TENM4: variants seen among roughly 807,000 people sequenced by gnomAD.
TENM4 encodes the protein teneurin transmembrane protein 4.
In TENM4, 82 loss-of-function variants were observed where a neutral mutation model predicts 243.3. The observed-to-expected ratio is 0.34, with a 90% confidence interval of 0.28 to 0.40. The LOEUF (loss-of-function observed/expected upper bound fraction) is 0.40, where lower values mean the gene tolerates loss of function less well. Among genes scored for constraint, TENM4 ranks in the 10% least tolerant of loss-of-function variants. The pLI, the probability that TENM4 is intolerant of heterozygous loss-of-function variation, is 1.00. For synonymous variants in TENM4, 1,412 were observed against 1,456.3 expected (o/e 0.97, Z 0.69); for missense variants, 3,138 against 3,673.3 (o/e 0.85, Z 3.77).
At chr11:79,020,501 C>A (rs985176262) in intron 6 of TENM4, among the ~76,000 whole-genome samples, 1 of 152,164 alleles carries the variant, frequency 6.6e-6, no homozygotes, top group Non-Finnish European at 1.5e-5. Flanking sequence ...TATGACCCAA[C>A]AAACTGATTA....
intron 3 of TENM4, among the ~76,000 whole-genome samples, chr11:79,175,366 A>C (rs1043628144): frequency 6.6e-6 from 1 of 152,216 alleles, no homozygotes; most frequent in African/African-American, 2.4e-5. Context: ...TTAATATGTC[A>C]ATGCCAACTG....
At chr11:78,755,088 A>C (rs1856276060) in intron 19 of TENM4, among the ~76,000 whole-genome samples, 1 of 152,214 alleles carries the variant, frequency 6.6e-6, no homozygotes, top group African/African-American at 2.4e-5. Flanking sequence ...GGATGACAGC[A>C]GCTGCCTCAC....
intron 1 of TENM4, among the ~76,000 whole-genome samples, chr11:79,426,118 T>C (rs1255712423): frequency 6.6e-6 from 1 of 152,182 alleles, no homozygotes; most frequent in African/African-American, 2.4e-5. Context: ...CCAAAATTAA[T>C]TCTTGAAACA....
At chr11:78,735,033 C>T (rs1016663670) in intron 20 of TENM4, among the ~76,000 whole-genome samples, 1 of 152,166 alleles carries the variant, frequency 6.6e-6, no homozygotes, top group Non-Finnish European at 1.5e-5. Context: ...TGGGAATGGG[C>T]CCATTGCTGC....
intron 2 of TENM4, among the ~76,000 whole-genome samples, chr11:79,252,440 T>C (rs1383963011): frequency 1.3e-5 from 2 of 152,180 alleles, no homozygotes; most frequent in Admixed American, 1.3e-4. Context: ...GGTTTCACTA[T>C]GTTGATCAGG....
intron 4 of TENM4, among the ~76,000 whole-genome samples, chr11:79,116,890 G>T (rs944903306): frequency 6.6e-5 from 10 of 152,146 alleles, no homozygotes; most frequent in African/African-American, 2.4e-4. Context: ...TGGGGGGAAA[G>T]GTGTATAACA....
At chr11:79,204,223 T>C (rs1863803072) in intron 3 of TENM4, among the ~76,000 whole-genome samples, 1 of 152,124 alleles carries the variant, frequency 6.6e-6, no homozygotes, top group South Asian at 2.1e-4. Context: ...ACTCTGCAAA[T>C]AGTAAAAAGC....
At chr11:79,206,625 A>G (rs1171225782) in intron 3 of TENM4, among the ~76,000 whole-genome samples, 1 of 152,156 alleles carries the variant, frequency 6.6e-6, no homozygotes, top group Admixed American at 6.5e-5. Context: ...GGTCTTTCCC[A>G]TGCTATTCTC....
At chr11:79,315,546 G>A (rs1010893648) in intron 1 of TENM4, among the ~76,000 whole-genome samples, 1 of 152,218 alleles carries the variant, frequency 6.6e-6, no homozygotes, top group Non-Finnish European at 1.5e-5. Flanking sequence ...CAATCCTTGT[G>A]CTGGAGAACA....
intron 3 of TENM4, among the ~76,000 whole-genome samples, chr11:79,149,393 TTCTC>T (rs1428564952): frequency 6.6e-6 from 1 of 152,192 alleles, no homozygotes; most frequent in African/African-American, 2.4e-5. Context: ...GGTGATAAAT[TTCTC>T]TCTAAGTGCT....
At position 78,672,152 on chromosome 11, in the gene TENM4, A is replaced by G. The variant is rs1858346827; in HGVS notation, c.5674T>C (p.Tyr1892His). The change falls in exon 31 of 34, where the codon TAC becomes CAC. Residue 1892 changes from tyrosine (Y) to histidine (H), a missense_variant. This residue lies in a region of TENM4 where 2,467 missense variants were observed against 3,059.1 expected (regional missense o/e 0.81). Transcript: ENST00000278550. ...GVNVTYSPGG[Y>H]IAGIQRGIMS... ...ATGCCCCTCTGGATGCCAGCAATGT[A>G]ACCCCCAGGGGAGTATGTCACGTTG... 1 of 1,613,646 alleles carries G rather than the reference A, an allele frequency of 6.2e-7. No homozygotes were observed. Among genetic ancestry groups the G allele is most frequent in the Non-Finnish European group, 8.5e-7 (1 of 1,179,820 alleles).
chr11:78,939,962 AG>A (rs1856854610), intron 6 of TENM4, among the ~76,000 whole-genome samples: 1 of 152,158 alleles, frequency 6.6e-6, no homozygotes, highest in African/African-American at 2.4e-5. Context: ...TAGACTCTAA[AG>A]TAACATGTTT....
At chr11:79,106,889 G>C (rs1002429351) in intron 4 of TENM4, among the ~76,000 whole-genome samples, 2 of 152,176 alleles carry the variant, frequency 1.3e-5, no homozygotes, top group African/African-American at 4.8e-5. Flanking sequence ...TGAATATTTT[G>C]ATGGGTTAGT....
chr11:79,132,204 G>A (rs913220837), intron 4 of TENM4, among the ~76,000 whole-genome samples: 10 of 151,724 alleles, frequency 6.6e-5, no homozygotes, highest in African/African-American at 2.4e-4. Context: ...AAATGAGCCG[G>A]GCGCGGTGGT....
Position 78,702,333 on chromosome 11 carries a change from T to C in TENM4, c.4280A>G (p.Asn1427Ser). 1 of 1,614,012 alleles carries C rather than the reference T, an allele frequency of 6.2e-7. No homozygotes were observed. Among genetic ancestry groups the C allele is most frequent in the Middle Eastern group, 1.6e-4 (1 of 6,062 alleles). ...MDNSLYVLDN[N>S]VVLQISENHQ... ...GTTTTCAGAGATTTGCAGGACCACA[T>C]TGTTGTCGAGGACATAAAGTGAGTT... Residue 1427 changes from asparagine to serine, a missense_variant, in exon 28 of 34, where the codon AAT becomes AGT. Around this residue, in one of 2 missense-constraint regions of TENM4, gnomAD observed 2,467 missense variants for 3,059.1 expected, o/e 0.81. Transcript: ENST00000278550.
intron 5 of TENM4, among the ~76,000 whole-genome samples, chr11:79,067,197 C>A (rs551069608): frequency 6.6e-6 from 1 of 152,324 alleles, no homozygotes; most frequent in South Asian, 2.1e-4. Context: ...AGAGGCTGGG[C>A]CAACCAGATG....
At chr11:78,748,600 T>C (rs1376119248) in intron 19 of TENM4, among the ~76,000 whole-genome samples, 2 of 152,210 alleles carry the variant, frequency 1.3e-5, no homozygotes, top group Non-Finnish European at 2.9e-5. Flanking sequence ...ACATGGGCTC[T>C]AGAGCCAACT....
At chr11:79,334,339 A>G (rs557101751) in intron 1 of TENM4, among the ~76,000 whole-genome samples, 3 of 152,306 alleles carry the variant, frequency 2.0e-5, no homozygotes, top group Admixed American at 6.5e-5. Flanking sequence ...GCCCTGACCT[A>G]GGCCAGGTGC....
At chr11:79,389,357 A>T (rs1858182900) in intron 1 of TENM4, among the ~76,000 whole-genome samples, 1 of 152,112 alleles carries the variant, frequency 6.6e-6, no homozygotes, top group Non-Finnish European at 1.5e-5. Flanking sequence ...GGGTCTTGCT[A>T]TGTTGACCAG....
Sources: allele counts gnomAD v4.1 joint callset (sites outside exome capture counted in the v4.1 genomes callset), GRCh38; gene constraint gnomAD v4.1.1; regional missense constraint gnomAD v4.1.1; transcripts MANE v1.5; gene names NCBI Gene and HGNC (gene_info 2026-07-23, HGNC 2026-07-21).